GAD1: variants seen among roughly 807,000 people sequenced by gnomAD.
The protein encoded by GAD1 is glutamate decarboxylase 1.
A neutral mutation model predicts 75.2 loss-of-function variants in GAD1; 35 were observed. That is an observed-to-expected ratio of 0.47 (90% CI 0.36 to 0.62). The LOEUF is 0.62. Ranked by LOEUF, GAD1 falls within the 20% of genes least tolerant of loss-of-function variation. GAD1 has a pLI of 0.00. For synonymous variants in GAD1, 257 were observed against 271.9 expected (o/e 0.95, Z 0.54); for missense variants, 490 against 758.5 (o/e 0.65, Z 4.16).
chr2:170,831,566 G>A (rs1702224320), intron 5 of GAD1, among the ~76,000 whole-genome samples: 1 of 148,720 alleles, frequency 6.7e-6, no homozygotes, highest in African/African-American at 2.5e-5. Context: ...ACCAGCCTGG[G>A]CAACATGGCG....
chr2:170,854,780 C>A (rs954799741), intron 14 of GAD1, among the ~76,000 whole-genome samples: 1 of 152,150 alleles, frequency 6.6e-6, no homozygotes, highest in African/African-American at 2.4e-5. Context: ...TAATGCCTTT[C>A]CCATTGTTTG....
intron 5 of GAD1, among the ~76,000 whole-genome samples, chr2:170,834,012 A>AG (rs1553577038): frequency 7.6e-4 from 115 of 151,194 alleles, no homozygotes; most frequent in African/African-American, 1.9e-3. Context: ...AAAAAAAAAA[A>AG]AGAGAGAGAG....
At chr2:170,836,988 C>A in intron 6 of GAD1, 105 bp downstream of exon 6, 1 of 767,404 alleles carries the variant, frequency 1.3e-6, no homozygotes, top group South Asian at 1.5e-5. Flanking sequence ...TTTCCCTGGT[C>A]ATTTTTTCTC....
rs552207880 is a variant in GAD1, at chr2:170,844,291, G to C, written c.751+134G>C. The stretch of plus-strand genomic sequence containing the variant: ...GACTTCCTATTTTTTCAAGATGAAG[G>C]CTAACAAAAATGCTACATTCTATAT... On this transcript the variant is annotated intron_variant, in intron 7 of 16. Transcript: ENST00000358196. 77 of 679,288 alleles carry C rather than the reference G, an allele frequency of 1.1e-4. No individual in the cohort carries two copies. In the East Asian group the frequency reaches 2.2e-3, roughly 19 times the overall value. 42.1% of individuals were successfully genotyped at this position (679,288 alleles called of 1,614,324 possible).
chr2:170,839,600 C>T (rs999139326), intron 6 of GAD1, among the ~76,000 whole-genome samples: 11 of 148,810 alleles, frequency 7.4e-5, no homozygotes, highest in African/African-American at 2.0e-4. Context: ...GGCGACAGAA[C>T]GAGACTCCAT....
At chr2:170,826,894 C>G (rs1010604040) in intron 3 of GAD1, among the ~76,000 whole-genome samples, 7 of 152,190 alleles carry the variant, frequency 4.6e-5, no homozygotes, top group South Asian at 2.1e-4. Flanking sequence ...TCCTGCATCC[C>G]TCTGGCAAAT....
At chr2:170,832,084 C>T (rs954048086) in intron 5 of GAD1, among the ~76,000 whole-genome samples, 2 of 152,110 alleles carry the variant, frequency 1.3e-5, no homozygotes, top group African/African-American at 4.8e-5. Context: ...CTGATAAATC[C>T]TGCCCTTGCC....
Position 170,859,939 on chromosome 2 carries a change from A to G in GAD1, c.*57A>G, listed in dbSNP as rs1702926725. On this transcript the variant is annotated 3_prime_UTR_variant, in exon 17 of 17. Coordinates refer to ENST00000358196, the MANE Select transcript of GAD1 (RefSeq NM_000817.3). Reference sequence around the variant, plus strand: ...TGCCTTTTCCCTCTGGCACTCCAGAACAAACCTCTATATGTTGCTGAAACA... The same window carrying G: ...TGCCTTTTCCCTCTGGCACTCCAGAGCAAACCTCTATATGTTGCTGAAACA... The G allele has an allele frequency of 2.0e-6, 3 of 1,506,084 alleles. No individual in the cohort carries two copies. The South Asian group carries it at 3.5e-5, about 18-fold the overall frequency. 93.3% of individuals were successfully genotyped at this position (1,506,084 alleles called of 1,614,324 possible).
chr2:170,821,172 T>C (rs982476013), intron 2 of GAD1, among the ~76,000 whole-genome samples: 1 of 152,048 alleles, frequency 6.6e-6, no homozygotes, highest in Non-Finnish European at 1.5e-5. Context: ...CTTTGAGAGA[T>C]TGGAAGGGGA....
intron 3 of GAD1, among the ~76,000 whole-genome samples, chr2:170,828,671 C>T (rs1702121159): frequency 7.1e-6 from 1 of 140,204 alleles, no homozygotes. Context: ...CCTCACCCTC[C>T]TCCCCTGTTG....
chr2:170,848,780 T>C (rs550273691), intron 11 of GAD1: 1 of 519,156 alleles, frequency 1.9e-6, no homozygotes, highest in Non-Finnish European at 3.8e-6. Context: ...AACTATTCAG[T>C]AAACATGCAT....
Position 170,834,825 on chromosome 2 carries a change from C to A in GAD1, c.548-1968C>A, listed in dbSNP as rs182144424. On this transcript the variant is annotated intron_variant, in intron 5 of 16. Coordinates refer to ENST00000358196, the MANE Select transcript of GAD1 (RefSeq NM_000817.3). ...TTGTTGCCCAAGCTGGAGTGGAGTG[C>A]AGTGGCGTGATCTCGGCTCACTGCA... Among the ~76,000 whole-genome samples, 79 of 148,140 alleles carry A rather than the reference C, an allele frequency of 5.3e-4. No homozygotes were observed. The Middle Eastern group carries it at 0.011, about 20-fold the overall frequency.
At chr2:170,848,698 C>A (rs1179663905) in intron 11 of GAD1, 1 of 518,440 alleles carries the variant, frequency 1.9e-6, no homozygotes, top group East Asian at 5.5e-5. Flanking sequence ...TAACTTCTCA[C>A]AATTGGCCAA....
At chr2:170,854,558 G>A (rs575423225) in intron 14 of GAD1, among the ~76,000 whole-genome samples, 9 of 152,018 alleles carry the variant, frequency 5.9e-5, no homozygotes, top group Non-Finnish European at 1.2e-4. Context: ...CCGCCACTAC[G>A]CCCGGCTAAT....
chr2:170,818,323 C>A lies in GAD1; in HGVS notation c.-63-206C>A, dbSNP rs1701767074. ...GAGCGGCCCAGGGCTACGCTCCCTG[C>A]GCCCCAGTACCGGAGCTAGCGCGCA... On this transcript the variant is annotated intron_variant, in intron 1 of 16. Coordinates refer to ENST00000358196, the MANE Select transcript of GAD1 (RefSeq NM_000817.3). This position sits in a 1 kb window ranked among gnomAD's most constrained non-coding sequence, Gnocchi z 5.9. The A allele has an allele frequency of 3.8e-6, 2 of 526,992 alleles. No individual in the cohort carries two copies. The highest frequency in any genetic ancestry group is 6.9e-6 in the Non-Finnish European group (2 of 290,512). The allele number at this position is 526,992 out of a possible 1,614,324, so 32.6% of individuals were successfully genotyped here.
In GAD1 at chr2:170,818,505, C is replaced by A. The variant is rs1213828791; in HGVS notation, c.-63-24C>A. ...TGCAGGACCCCGGAAGTCCTCCCCG[C>A]ACAGCTCTCGCTTCTCTTTGCAGCC... On this transcript the variant is annotated intron_variant, in intron 1 of 16. Coordinates refer to ENST00000358196, the MANE Select transcript of GAD1 (RefSeq NM_000817.3). This position sits in a 1 kb window ranked among gnomAD's most constrained non-coding sequence, Gnocchi z 5.9. 10 of 1,283,390 alleles carry A rather than the reference C, an allele frequency of 7.8e-6. No homozygotes were observed. Among genetic ancestry groups the A allele is most frequent in the African/African-American group, 5.8e-5 (4 of 68,534 alleles). The allele number at this position is 1,283,390 out of a possible 1,614,324, so 79.5% of individuals were successfully genotyped here.
intron 1 of GAD1, chr2:170,817,887 C>T (rs1701752211): frequency 6.6e-6 from 1 of 152,666 alleles, no homozygotes; most frequent in Non-Finnish European, 1.5e-5. Flanking sequence ...TTCTGGCTGT[C>T]TGGAGTGCAA....
intron 11 of GAD1, chr2:170,849,042 G>T: frequency 1.8e-6 from 1 of 569,688 alleles, no homozygotes; most frequent in Non-Finnish European, 3.2e-6. Context: ...GGCACCTCAG[G>T]CTCAGACCTG....
At position 170,835,577 on chromosome 2, in the gene GAD1, T is replaced by A. The variant is rs115717133; in HGVS notation, c.548-1216T>A. ...GGACTTTGTGTCCTTTATATTTTAA[T>A]GGACAAAGAGATACTATTTCACTTT... is the stretch of plus-strand genomic sequence containing the variant. On this transcript the variant is annotated intron_variant, in intron 5 of 16. Transcript: ENST00000358196. Among the ~76,000 whole-genome samples the A allele has an allele frequency of 9.7e-3, 1,472 of 152,374 alleles. 24 individuals are homozygous for A. Among genetic ancestry groups the A allele is most frequent in the African/African-American group, 0.034 (1,397 of 41,580 alleles).
Sources: gnomAD v4.1 joint callset for allele counts (sites outside exome capture counted in the v4.1 genomes callset) on GRCh38, gnomAD v4.1.1 for gene constraint, Gnocchi (gnomAD v3.1) non-coding constraint, MANE v1.5 for transcripts, NCBI Gene and HGNC (gene_info 2026-07-23, HGNC 2026-07-21) for gene names.